DPF3: variants seen among roughly 807,000 people sequenced by gnomAD.
DPF3 encodes the protein zinc finger protein DPF3.
DPF3 carries 18 observed loss-of-function variants against 56.8 expected under a neutral mutation model. That is an observed-to-expected ratio of 0.32 (90% confidence interval 0.22 to 0.47). The LOEUF is 0.47. Ranked by LOEUF, DPF3 falls within the 20% of genes least tolerant of loss-of-function variation. DPF3 has a pLI of 1.00. For synonymous variants in DPF3, 188 were observed against 180.2 expected, an observed-to-expected ratio of 1.04 and a Z score of -0.35; for missense variants, 403 against 488.8, an observed-to-expected ratio of 0.82 and a Z score of 1.65.
At chr14:72,640,084 AAACAGC>A in intron 8 of DPF3, among the ~76,000 whole-genome samples, 1 of 130,120 alleles carries the variant, frequency 7.7e-6, no homozygotes, top group African/African-American at 2.7e-5. Context: ...AAAAAAATGG[AAACAGC>A]ATTACAGGGA....
intron 7 of DPF3, among the ~76,000 whole-genome samples, chr14:72,685,353 C>T (rs1479597546): frequency 6.6e-6 from 1 of 152,204 alleles, no homozygotes; most frequent in Admixed American, 6.5e-5. Flanking sequence ...GTTACTCAAC[C>T]TCTCTGAGCC....
rs1272438148 is a variant in DPF3, at chr14:72,673,929, C to A, written c.871+311G>T. ...CCACTACAAGAAAGCACGTTGCCTT[C>A]TCTCCAGGTTTTTCCACTCTACCTC... is the stretch of plus-strand genomic sequence containing the variant. On this transcript the variant is annotated intron_variant, in intron 8 of 10. Coordinates refer to ENST00000556509, the MANE Select transcript of DPF3 (RefSeq NM_001280542.3). The A allele has an allele frequency of 1.3e-5, 4 of 299,952 alleles. No individual in the cohort carries two copies. The East Asian group carries it at 2.7e-4, about 20-fold the overall frequency. The allele number at this position is 299,952 out of a possible 1,614,324, so 18.6% of individuals were successfully genotyped here. A position where few individuals can be genotyped will look rare whatever the true frequency, so the allele number is the denominator to read the frequency against.
At chr14:72,677,929 C>T (rs1275996802) in intron 7 of DPF3, among the ~76,000 whole-genome samples, 1 of 152,090 alleles carries the variant, frequency 6.6e-6, no homozygotes, top group Non-Finnish European at 1.5e-5. Context: ...GAAGAGGATA[C>T]CTGGTCATGC....
At chr14:72,893,180 GC>G (rs1886842509) in intron 1 of DPF3, among the ~76,000 whole-genome samples, 1 of 152,072 alleles carries the variant, frequency 6.6e-6, no homozygotes, top group Non-Finnish European at 1.5e-5. Flanking sequence ...CCCTCGCCCG[GC>G]CGGGAGCAGA....
Position 72,711,007 on chromosome 14 carries a change from T to G in DPF3, c.604+3416A>C, listed in dbSNP as rs112751495. On this transcript the variant is annotated intron_variant, in intron 6 of 10. Transcript: ENST00000556509. The stretch of plus-strand genomic sequence containing the variant: ...CTCTCTATCACCTGCAGTTAGCAGC[T>G]ACAATAATATTCAAGCCACCCATTT... Among the ~76,000 whole-genome samples, 1,217 of 152,284 alleles carry G rather than the reference T, an allele frequency of 8.0e-3. 13 individuals carry two copies. The highest frequency in any genetic ancestry group is 0.028 in the African/African-American group (1,161 of 41,556).
At chr14:72,843,026 AAAAT>A (rs934353074) in intron 1 of DPF3, among the ~76,000 whole-genome samples, 17 of 152,234 alleles carry the variant, frequency 1.1e-4, no homozygotes, top group African/African-American at 4.1e-4. Context: ...CCATCTCAAA[AAAAT>A]AAATAAATAA....
At chr14:72,704,659 A>T (rs1888329585) in intron 6 of DPF3, among the ~76,000 whole-genome samples, 1 of 152,080 alleles carries the variant, frequency 6.6e-6, no homozygotes, top group Non-Finnish European at 1.5e-5. Context: ...CCACCAACTC[A>T]TATGTCAGTT....
At chr14:72,835,589 A>C (rs577547534) in intron 1 of DPF3, among the ~76,000 whole-genome samples, 2 of 152,288 alleles carry the variant, frequency 1.3e-5, no homozygotes, top group South Asian at 4.1e-4. Flanking sequence ...GGAGCTCCAG[A>C]TATTCTGAGT....
At chr14:72,774,583 G>C (rs1356779648) in intron 1 of DPF3, among the ~76,000 whole-genome samples, 1 of 152,064 alleles carries the variant, frequency 6.6e-6, no homozygotes, top group Non-Finnish European at 1.5e-5. Context: ...AACCCTGGAA[G>C]CTTCTGAGGC....
chr14:72,822,222 T>A (rs1404121204), intron 1 of DPF3, among the ~76,000 whole-genome samples: 2 of 151,560 alleles, frequency 1.3e-5, no homozygotes, highest in Admixed American at 1.3e-4. Flanking sequence ...TACTAAAAAA[T>A]ACAAAAAAAT....
At chr14:72,880,056 G>T in intron 1 of DPF3, 1 of 1,219,978 alleles carries the variant, frequency 8.2e-7, no homozygotes, top group Non-Finnish European at 1.1e-6. Context: ...TCCTGCATAT[G>T]GCTCAGTAAC....
In DPF3 at chr14:72,638,174, T is replaced by C. The variant is rs74062323; in HGVS notation, c.872-8438A>G. Among the ~76,000 whole-genome samples, 1,463 of 152,336 alleles carry C rather than the reference T, an allele frequency of 9.6e-3. 21 individuals are homozygous for C. The highest frequency in any genetic ancestry group is 0.034 in the African/African-American group (1,408 of 41,570). ...AGAGGGTCATCGGTATGAGCAACTC[T>C]GGATGACTTTCCTTTTAAATGCTTC... On this transcript the variant is annotated intron_variant, in intron 8 of 10. Transcript: ENST00000556509.
intron 1 of DPF3, among the ~76,000 whole-genome samples, chr14:72,869,658 A>G (rs1344723956): frequency 6.6e-6 from 1 of 152,000 alleles, no homozygotes; most frequent in Non-Finnish European, 1.5e-5. Context: ...AAGGTGGCTT[A>G]CCTCCTGGGG....
At chr14:72,695,380 C>A (rs1239597618) in intron 6 of DPF3, among the ~76,000 whole-genome samples, 2 of 152,150 alleles carry the variant, frequency 1.3e-5, no homozygotes, top group Non-Finnish European at 2.9e-5. Context: ...GACTTTGACC[C>A]TTGCCTCATA....
chr14:72,661,859 T>TA lies in DPF3; in HGVS notation c.871+12380_871+12381insT, dbSNP rs1567192558. 6 of 267,544 alleles carry TA rather than the reference T, an allele frequency of 2.2e-5. No homozygotes were observed. The African/African-American group carries it at 2.4e-4, about 11-fold the overall frequency. The allele number at this position is 267,544 out of a possible 1,614,324, so 16.6% of individuals were successfully genotyped here. A position where few individuals can be genotyped will look rare whatever the true frequency, so the allele number is the denominator to read the frequency against. On this transcript the variant is annotated intron_variant, in intron 8 of 10. Transcript: ENST00000556509. ...AGCTGATGCTTTTATTTTTGCTTTT[T>TA]TTTTTTTTTTTTTTTTGCTGCATTA... is the stretch of plus-strand genomic sequence containing the variant.
chr14:72,620,459 G>A (rs1351351117), intron 9 of DPF3, among the ~76,000 whole-genome samples: 1 of 152,204 alleles, frequency 6.6e-6, no homozygotes, highest in Non-Finnish European at 1.5e-5. Context: ...CCTCTTCAGG[G>A]TTTCATTAGA....
intron 7 of DPF3, among the ~76,000 whole-genome samples, chr14:72,677,808 A>G (rs1451276507): frequency 1.3e-5 from 2 of 152,210 alleles, no homozygotes; most frequent in South Asian, 2.1e-4. Flanking sequence ...TCGGTAGCCA[A>G]TGGCCCTGAG....
intron 3 of DPF3, among the ~76,000 whole-genome samples, chr14:72,736,677 T>G (rs747015581): frequency 2.6e-5 from 4 of 152,134 alleles, no homozygotes; most frequent in Non-Finnish European, 5.9e-5. Context: ...TTGCACAATG[T>G]ATGTCCTAAA....
intron 1 of DPF3, among the ~76,000 whole-genome samples, chr14:72,888,175 C>T (rs1411774195): frequency 6.6e-6 from 1 of 152,146 alleles, no homozygotes; most frequent in Non-Finnish European, 1.5e-5. Flanking sequence ...CCCCTCCCTG[C>T]TTCCACACAT....
Sources: allele counts gnomAD v4.1 joint callset (sites outside exome capture counted in the v4.1 genomes callset), GRCh38; gene constraint gnomAD v4.1.1; transcripts MANE v1.5; gene names NCBI Gene and HGNC (gene_info 2026-07-23, HGNC 2026-07-21).